Variants in RBFOX1 observed in about 807,000 individuals in gnomAD.
RBFOX1 encodes RNA binding fox-1 homolog 1, also known as RNA binding protein fox-1 homolog 1.
A neutral mutation model predicts 57.7 loss-of-function variants in RBFOX1; 8 were observed. The ratio of observed to expected loss-of-function variants is 0.14; its 90% CI spans 0.08 to 0.25. RBFOX1 has a LOEUF of 0.25. Ranked by LOEUF, RBFOX1 falls within the 10% of genes least tolerant of loss-of-function variation. RBFOX1 has a pLI of 1.00. For synonymous variants in RBFOX1, 326 were observed against 222.4 expected (o/e 1.47, Z -4.15); for missense variants, 611 against 548.5 (o/e 1.11, Z -1.14).
chr16:5,599,253 G>T, exon 3 of RBFOX1: 1 of 674,366 alleles, frequency 1.5e-6, no homozygotes, highest in East Asian at 2.7e-5. Context: ...TTGGTGACAA[G>T]GCTGCAAATT....
At chr16:5,763,085 G>T (rs2053643856) in intron 3 of RBFOX1, among the ~76,000 whole-genome samples, 3 of 152,180 alleles carry the variant, frequency 2.0e-5, no homozygotes, top group Admixed American at 6.5e-5. Flanking sequence ...TAGGATAGGG[G>T]TGGGTGGTTG....
intron 1 of RBFOX1, among the ~76,000 whole-genome samples, chr16:6,023,821 T>C (rs1456782657): frequency 6.6e-6 from 1 of 152,164 alleles, no homozygotes; most frequent in African/African-American, 2.4e-5. Flanking sequence ...AGGCGACGTT[T>C]TTAAAGAAGC....
intron 1 of RBFOX1, among the ~76,000 whole-genome samples, chr16:5,292,605 C>T (rs895855008): frequency 4.0e-5 from 6 of 151,766 alleles, no homozygotes; most frequent in African/African-American, 1.5e-4. Context: ...TGGAGTGATT[C>T]TAGTTTGGTG....
chr16:7,253,569 A>G (rs757238610), intron 4 of RBFOX1, among the ~76,000 whole-genome samples: 1 of 152,056 alleles, frequency 6.6e-6, no homozygotes, highest in African/African-American at 2.4e-5. Context: ...TCATTTCTGG[A>G]TGTCTCCTCT....
chr16:7,625,896 C>T (rs1239101713), intron 10 of RBFOX1, among the ~76,000 whole-genome samples: 1 of 152,198 alleles, frequency 6.6e-6, no homozygotes, highest in Non-Finnish European at 1.5e-5. Flanking sequence ...GTCTAGGTTC[C>T]TGGACTCATG....
chr16:7,677,132 T>TACACACACACACACACACATACAC (rs2073536316), intron 14 of RBFOX1, among the ~76,000 whole-genome samples: 1 of 137,862 alleles, frequency 7.3e-6, no homozygotes, highest in Non-Finnish European at 1.6e-5. Context: ...CACATACACA[T>TACACACACACACACACACATACAC]ACACACACAC....
chr16:6,169,840 C>G (rs920361994), intron 1 of RBFOX1, among the ~76,000 whole-genome samples: 1 of 151,446 alleles, frequency 6.6e-6, no homozygotes, highest in African/African-American at 2.4e-5. Flanking sequence ...TCTCAGCTCA[C>G]TGCAACCTCT....
At chr16:7,164,476 T>A (rs2079024990) in intron 4 of RBFOX1, among the ~76,000 whole-genome samples, 1 of 152,186 alleles carries the variant, frequency 6.6e-6, no homozygotes, top group South Asian at 2.1e-4. Context: ...TCTGGGTGAA[T>A]AGCCAGTAGT....
intron 12 of RBFOX1, among the ~76,000 whole-genome samples, chr16:7,658,787 C>G (rs1954355270): frequency 6.6e-6 from 1 of 152,188 alleles, no homozygotes; most frequent in Non-Finnish European, 1.5e-5. Flanking sequence ...TGCAGTGGTA[C>G]AATCTCTGCT....
intron 2 of RBFOX1, among the ~76,000 whole-genome samples, chr16:6,354,560 C>G (rs2086951156): frequency 1.3e-5 from 2 of 152,166 alleles, no homozygotes; most frequent in African/African-American, 2.4e-5. Context: ...TTCCTATGAT[C>G]TCGCAGGCCC....
intron 4 of RBFOX1, among the ~76,000 whole-genome samples, chr16:6,002,817 G>A (rs2060624179): frequency 6.6e-6 from 1 of 152,228 alleles, no homozygotes; most frequent in Non-Finnish European, 1.5e-5. Flanking sequence ...AGCAAATAAA[G>A]TGGGAAGAGC....
intron 4 of RBFOX1, among the ~76,000 whole-genome samples, chr16:7,417,879 C>G (rs1339309933): frequency 2.0e-5 from 3 of 152,138 alleles, no homozygotes; most frequent in African/African-American, 7.2e-5. Context: ...CCTCTGTCAT[C>G]TCCCATCTCC....
At chr16:7,418,347 C>T (rs2098504725) in intron 4 of RBFOX1, among the ~76,000 whole-genome samples, 2 of 152,212 alleles carry the variant, frequency 1.3e-5, no homozygotes, top group Admixed American at 6.5e-5. Context: ...CAGGGCAAAG[C>T]ATCTCCTGGT....
chr16:7,423,861 T>C (rs555393698), intron 4 of RBFOX1, among the ~76,000 whole-genome samples: 3 of 152,192 alleles, frequency 2.0e-5, no homozygotes, highest in Non-Finnish European at 4.4e-5. Flanking sequence ...GGTGGCGCCA[T>C]GCATTATGCA....
chr16:6,251,378 G>A (rs2097610041), intron 1 of RBFOX1, among the ~76,000 whole-genome samples: 1 of 152,122 alleles, frequency 6.6e-6, no homozygotes, highest in African/African-American at 2.4e-5. Flanking sequence ...GAGGGGTTAA[G>A]TCACCTGCCC....
At chr16:6,220,675 T>A (rs558033316) in intron 1 of RBFOX1, among the ~76,000 whole-genome samples, 1 of 152,098 alleles carries the variant, frequency 6.6e-6, no homozygotes, top group African/African-American at 2.4e-5. Context: ...GTGTGTTTAC[T>A]GTAGATGTAT....
chr16:6,919,391 T>C (rs1309783414), intron 3 of RBFOX1, among the ~76,000 whole-genome samples: 3 of 152,094 alleles, frequency 2.0e-5, no homozygotes, highest in African/African-American at 7.2e-5. Context: ...GTTCTCTTAT[T>C]AGCTCCATTT....
intron 4 of RBFOX1, among the ~76,000 whole-genome samples, chr16:7,348,898 C>T (rs142932732): frequency 7.2e-5 from 11 of 152,130 alleles, no homozygotes; most frequent in African/African-American, 1.2e-4. Context: ...GCCAAGATTA[C>T]GCCACTGCAC....
intron 2 of RBFOX1, among the ~76,000 whole-genome samples, chr16:5,541,105 C>T (rs556946293): frequency 1.3e-5 from 2 of 152,102 alleles, no homozygotes; most frequent in Non-Finnish European, 2.9e-5. Context: ...CTGCCTGGGC[C>T]TCCCAAAGTG....
Sources: gnomAD v4.1 joint callset for allele counts (sites outside exome capture counted in the v4.1 genomes callset) on GRCh38, gnomAD v4.1.1 for gene constraint, MANE v1.5 for transcripts, NCBI Gene and HGNC (gene_info 2026-07-23, HGNC 2026-07-21) for gene names.